The following DNAH7 variants were observed in gnomAD, a reference collection of about 807,000 sequenced individuals.
DNAH7 encodes the protein dynein axonemal heavy chain 7.
DNAH7 carries 397 observed loss-of-function variants against 444.6 expected under a neutral mutation model. That is an observed-to-expected ratio of 0.89 (90% CI 0.82 to 0.97). DNAH7 has a LOEUF of 0.97. Among genes scored for constraint, DNAH7 ranks in the 50% least tolerant of loss-of-function variants. The pLI is 0.00. For synonymous variants in DNAH7, 1,636 were observed against 1,624.4 expected, an observed-to-expected ratio of 1.01 and a Z score of -0.17; for missense variants, 4,902 against 4,800.8, an observed-to-expected ratio of 1.02 and a Z score of -0.62.
chr2:196,028,087 G>T, intron 5 of DNAH7, 40 bp from the exon 6 acceptor site: 1 of 1,539,434 alleles, frequency 6.5e-7, no homozygotes, highest in Non-Finnish European at 8.9e-7. Flanking sequence ...AGTAGATAAG[G>T]GGCAGTTAGA....
At chr2:195,942,095 T>C (rs1398425653) in intron 19 of DNAH7, among the ~76,000 whole-genome samples, 1 of 151,996 alleles carries the variant, frequency 6.6e-6, no homozygotes, top group Non-Finnish European at 1.5e-5. Context: ...ATCATATTGA[T>C]AAATTATATA....
chr2:195,964,871 C>T (rs987101258), intron 17 of DNAH7, among the ~76,000 whole-genome samples: 1 of 137,532 alleles, frequency 7.3e-6, no homozygotes, highest in Non-Finnish European at 1.5e-5. Flanking sequence ...AGTGAGACTC[C>T]GTCTCAAAAA....
intron 8 of DNAH7, among the ~76,000 whole-genome samples, chr2:196,022,870 T>C (rs532985496): frequency 1.3e-5 from 2 of 152,352 alleles, no homozygotes; most frequent in East Asian, 3.9e-4. Flanking sequence ...ATATAGCCTT[T>C]CAAAAATTTG....
intron 41 of DNAH7, among the ~76,000 whole-genome samples, chr2:195,863,605 G>A (rs1416945953): frequency 1.3e-5 from 2 of 152,134 alleles, no homozygotes; most frequent in Non-Finnish European, 2.9e-5. Flanking sequence ...GAGATTGGGG[G>A]CAGGGTGGAA....
intron 58 of DNAH7, among the ~76,000 whole-genome samples, chr2:195,784,829 A>T (rs1162837562): frequency 6.6e-6 from 1 of 151,916 alleles, no homozygotes; most frequent in Non-Finnish European, 1.5e-5. Flanking sequence ...TATTTCTCTG[A>T]TGACATATAA....
At chr2:195,840,737 A>C (rs1348367402) in intron 47 of DNAH7, among the ~76,000 whole-genome samples, 1 of 151,796 alleles carries the variant, frequency 6.6e-6, no homozygotes, top group Non-Finnish European at 1.5e-5. Flanking sequence ...ACCACACAGA[A>C]ATAAAAGAAA....
At chr2:195,820,522 G>T (rs1697414254) in intron 49 of DNAH7, among the ~76,000 whole-genome samples, 1 of 151,104 alleles carries the variant, frequency 6.6e-6, no homozygotes, top group South Asian at 2.1e-4. Flanking sequence ...AAAAATTTCA[G>T]CAACTACCAC....
intron 8 of DNAH7, among the ~76,000 whole-genome samples, chr2:196,022,631 CTTCCAACACATCT>C (rs1695449176): frequency 1.3e-5 from 2 of 152,198 alleles, no homozygotes; most frequent in South Asian, 2.1e-4. Flanking sequence ...TGTTCTCTGG[CTTCCAACACATCT>C]TTCCAACACA....
At position 195,748,156 on chromosome 2, in the gene DNAH7, T is replaced by C. The variant is rs1053140681; in HGVS notation, c.11764+6181A>G. 2.6e-4 allele frequency among the ~76,000 whole-genome samples: 39 copies of C among 152,190 alleles called. 1 individual carries two copies. The highest frequency in any genetic ancestry group is 4.1e-4 in the South Asian group (2 of 4,834). On this transcript the variant is annotated intron_variant, in intron 63 of 64. Coordinates refer to ENST00000312428, the MANE Select transcript of DNAH7 (RefSeq NM_018897.3). ...GCAATGTCTCAGGATACAAAATCAA[T>C]GTGCAAAAATCACAAGCATTCTTAT... is the stretch of plus-strand genomic sequence containing the variant.
chr2:196,004,001 T>G (rs1055911549), intron 10 of DNAH7, among the ~76,000 whole-genome samples: 1 of 152,238 alleles, frequency 6.6e-6, no homozygotes, highest in African/African-American at 2.4e-5. Context: ...GGTTACAGAC[T>G]ATTCATAGAA....
chr2:195,888,405 C>T lies in DNAH7; in HGVS notation c.5259G>A (p.Glu1753=), dbSNP rs1346153869. The change falls in exon 33 of 65, where the codon GAG becomes GAA. Residue 1753 remains glutamate (E), a synonymous_variant. Transcript: ENST00000312428. ...TVSRCGMIYM[E]PHMLGWRPLM... ...GTGGTCTCCAGCCTAACATGTGAGG[C>T]TCCATGTAAATCATGCCACATCTGG... 5 of 1,598,128 alleles carry T rather than the reference C, an allele frequency of 3.1e-6. No homozygotes were observed. The Admixed American group carries it at 5.4e-5, about 17-fold the overall frequency.
chr2:196,066,017 T>C (rs1337635366), intron 1 of DNAH7, among the ~76,000 whole-genome samples: 3 of 152,236 alleles, frequency 2.0e-5, no homozygotes, highest in African/African-American at 7.2e-5. Flanking sequence ...CTGTTTTCTG[T>C]TGGGATCCTG....
Position 196,012,868 on chromosome 2 carries a change from C to A in DNAH7, c.908G>T (p.Cys303Phe), listed in dbSNP as rs375823545. The change falls in exon 10 of 65, where the codon TGC (cysteine) becomes TTC (phenylalanine). Residue 303 changes from cysteine (C) to phenylalanine (F), a missense_variant. Cys to Phe is a radical substitution (Grantham distance 205). Coordinates refer to ENST00000312428, the MANE Select transcript of DNAH7 (RefSeq NM_018897.3). ...RLVDIKEFHN[C>F]QDALELSSFQ... ...ACTTGACAGCTCTAATGCATCCTGG[C>A]AATTATGAAATTCTTTGATATCAAC... is the stretch of plus-strand genomic sequence containing the variant. 4.6e-6 allele frequency: 7 copies of A among 1,529,432 alleles called. No homozygotes were observed. Among genetic ancestry groups the A allele is most frequent in the East Asian group, 2.4e-5 (1 of 41,494 alleles). The allele number at this position is 1,529,432 out of a possible 1,614,324, so 94.7% of individuals were successfully genotyped here. A position where few individuals can be genotyped will look rare whatever the true frequency, so the allele number is the denominator to read the frequency against.
At chr2:195,972,133 G>T in intron 16 of DNAH7, 109 bp downstream of exon 16, 1 of 828,624 alleles carries the variant, frequency 1.2e-6, no homozygotes, top group Non-Finnish European at 1.9e-6. Context: ...ATTATAGTAT[G>T]AGAAAGCTAA....
At chr2:195,882,774 T>C (rs777770735) in intron 35 of DNAH7, among the ~76,000 whole-genome samples, 2 of 152,188 alleles carry the variant, frequency 1.3e-5, no homozygotes, top group Non-Finnish European at 2.9e-5. Flanking sequence ...TCATTCAAAG[T>C]ACATCAGAAT....
intron 21 of DNAH7, 101 bp downstream of exon 21, chr2:195,934,490 T>G: frequency 8.0e-7 from 1 of 1,253,756 alleles, no homozygotes; most frequent in Non-Finnish European, 1.1e-6. Context: ...ATTCCATGCC[T>G]CCATTTCTGT....
chr2:196,052,731 T>C (rs1697553766), intron 2 of DNAH7, among the ~76,000 whole-genome samples: 1 of 152,096 alleles, frequency 6.6e-6, no homozygotes, highest in Non-Finnish European at 1.5e-5. Context: ...CTAAGAACGT[T>C]TCAAAAAGAA....
intron 63 of DNAH7, among the ~76,000 whole-genome samples, chr2:195,747,787 C>A (rs1098944): frequency 8.6e-5 from 13 of 151,104 alleles, no homozygotes; most frequent in Admixed American, 2.6e-4. Flanking sequence ...ATTCAACAAC[C>A]CTTCATGCTA....
In DNAH7 at chr2:195,816,967, G is replaced by C. The variant is rs1697251815; in HGVS notation, c.9426-4C>G. 1.3e-6 allele frequency: 2 copies of C among 1,554,640 alleles called. No individual in the cohort carries two copies. Among genetic ancestry groups the C allele is most frequent in the Non-Finnish European group, 8.7e-7 (1 of 1,154,412 alleles). ...GTCTTCTATTTCTTTTAACTGCCTGGAATAAAACAAAATTTTCTTAGAAGA... is the reference window on the plus strand; with the variant it reads ...GTCTTCTATTTCTTTTAACTGCCTGCAATAAAACAAAATTTTCTTAGAAGA... On this transcript the variant is annotated splice_region_variant and splice_polypyrimidine_tract_variant and intron_variant, in intron 50 of 64. Coordinates refer to ENST00000312428, the MANE Select transcript of DNAH7 (RefSeq NM_018897.3).
Sources: allele counts gnomAD v4.1 joint callset (sites outside exome capture counted in the v4.1 genomes callset), GRCh38; gene constraint gnomAD v4.1.1; transcripts MANE v1.5; gene names NCBI Gene and HGNC (gene_info 2026-07-23, HGNC 2026-07-21).